PHACTR1: variants seen among roughly 807,000 people sequenced by gnomAD.
PHACTR1 encodes phosphatase and actin regulator 1, also known as RPEL repeat containing 1.
In PHACTR1, 16 loss-of-function variants were observed where a neutral mutation model predicts 69.2. That is an observed-to-expected ratio of 0.23 (90% CI 0.16 to 0.35). The LOEUF is 0.35. Among genes scored for constraint, PHACTR1 ranks in the 10% least tolerant of loss-of-function variants. The pLI, the probability that PHACTR1 is intolerant of heterozygous loss-of-function variation, is 1.00. For synonymous variants in PHACTR1, 312 were observed against 284.5 expected (o/e 1.10, Z -0.97); for missense variants, 510 against 734.7 (o/e 0.69, Z 3.54).
At chr6:13,086,418 A>G (rs4329096) in intron 5 of PHACTR1, among the ~76,000 whole-genome samples, 98,037 of 151,910 alleles carry the variant, frequency 0.65, 35,552 homozygotes, top group East Asian at 0.93. Context: ...ATATACAGAC[A>G]TGTAACCCCC....
chr6:13,082,988 C>A (rs904751670), intron 5 of PHACTR1, among the ~76,000 whole-genome samples: 1 of 152,162 alleles, frequency 6.6e-6, no homozygotes, highest in Non-Finnish European at 1.5e-5. Context: ...GTTGCCATTG[C>A]TTTTGGAGTT....
intron 4 of PHACTR1, among the ~76,000 whole-genome samples, chr6:12,823,093 A>C (rs1776401240): frequency 6.6e-6 from 1 of 152,142 alleles, no homozygotes; most frequent in African/African-American, 2.4e-5. Flanking sequence ...TGCAAAACCT[A>C]ATTTTCTGCA....
At chr6:13,152,045 A>G (rs1561907090) in intron 5 of PHACTR1, among the ~76,000 whole-genome samples, 1 of 152,162 alleles carries the variant, frequency 6.6e-6, no homozygotes, top group African/African-American at 2.4e-5. Flanking sequence ...AAATTCATCA[A>G]TGTCAGGCTG....
chr6:13,127,060 C>A (rs1819645354), intron 5 of PHACTR1, among the ~76,000 whole-genome samples: 3 of 152,146 alleles, frequency 2.0e-5, no homozygotes, highest in Admixed American at 2.0e-4. Context: ...TTGGACAGAG[C>A]AGTAAATTAC....
intron 4 of PHACTR1, among the ~76,000 whole-genome samples, chr6:12,783,332 G>A (rs1479224701): frequency 6.6e-6 from 1 of 152,178 alleles, no homozygotes; most frequent in Non-Finnish European, 1.5e-5. Context: ...CTATATGACG[G>A]TCAAATGCCT....
intron 4 of PHACTR1, among the ~76,000 whole-genome samples, chr6:13,046,324 A>G (rs1189921637): frequency 6.6e-6 from 1 of 152,172 alleles, no homozygotes; most frequent in Non-Finnish European, 1.5e-5. Flanking sequence ...TTTTGGATTC[A>G]GACAGATAAA....
chr6:13,013,788 G>C (rs1388372447), intron 4 of PHACTR1, among the ~76,000 whole-genome samples: 2 of 149,772 alleles, frequency 1.3e-5, no homozygotes, highest in Non-Finnish European at 3.0e-5. Flanking sequence ...TAGAGCGGCC[G>C]GCGCGGGCGG....
chr6:13,019,601 C>T (rs975865937), intron 4 of PHACTR1, among the ~76,000 whole-genome samples: 1 of 152,122 alleles, frequency 6.6e-6, no homozygotes, highest in Non-Finnish European at 1.5e-5. Flanking sequence ...TAATAATTTC[C>T]CCTTTTGTTC....
At chr6:12,732,308 A>ATT (rs113653689) in intron 3 of PHACTR1, among the ~76,000 whole-genome samples, 4,801 of 151,430 alleles carry the variant, frequency 0.032, 236 homozygotes, top group African/African-American at 0.11. Context: ...GCACACACAG[A>ATT]TTTTTTTTGG....
chr6:12,809,380 C>G (rs1014347896), intron 4 of PHACTR1, among the ~76,000 whole-genome samples: 1 of 152,190 alleles, frequency 6.6e-6, no homozygotes, highest in Non-Finnish European at 1.5e-5. Flanking sequence ...GTGCCCACAA[C>G]AGATATCACT....
At chr6:13,264,698 C>T (rs1397623390) in intron 10 of PHACTR1, among the ~76,000 whole-genome samples, 1 of 150,566 alleles carries the variant, frequency 6.6e-6, no homozygotes, top group African/African-American at 2.4e-5. Flanking sequence ...CAGCCTGGGC[C>T]ACAGAGTGAG....
At chr6:13,250,437 G>T (rs1250703822) in intron 10 of PHACTR1, among the ~76,000 whole-genome samples, 1 of 152,146 alleles carries the variant, frequency 6.6e-6, no homozygotes, top group Non-Finnish European at 1.5e-5. Context: ...TGGGAATACG[G>T]TCCAGTTTTT....
In PHACTR1 at chr6:13,179,049, A is replaced by G. The variant is rs1289514714; in HGVS notation, c.497-3470A>G. Among the ~76,000 whole-genome samples the G allele has an allele frequency of 6.6e-6, 1 of 152,210 alleles. No individual in the cohort carries two copies. The highest frequency in any genetic ancestry group is 1.9e-4 in the East Asian group (1 of 5,198). On this transcript the variant is annotated intron_variant, in intron 6 of 14. Coordinates refer to ENST00000332995, the MANE Select transcript of PHACTR1 (RefSeq NM_030948.6). The surrounding 1 kb of genome is among the most constrained non-coding windows in gnomAD (Gnocchi z 4.2). ...CAAGGAGTTCCACATGAGGCTGGGC[A>G]ACATGGCAAAACCCTGTCTCTACAA... is the stretch of plus-strand genomic sequence containing the variant.
intron 4 of PHACTR1, among the ~76,000 whole-genome samples, chr6:12,758,164 G>A (rs1338633732): frequency 6.6e-6 from 1 of 152,078 alleles, no homozygotes; most frequent in Non-Finnish European, 1.5e-5. Context: ...TGAGGTCTGG[G>A]CTGGGGGCAG....
Position 12,721,338 on chromosome 6 carries a change from G to A in PHACTR1, c.103+2491G>A, listed in dbSNP as rs558031893. Among the ~76,000 whole-genome samples, 160 of 151,940 alleles carry A rather than the reference G, an allele frequency of 1.1e-3. 1 individual carries two copies. The highest frequency in any genetic ancestry group is 1.7e-3 in the Non-Finnish European group (118 of 67,940). ...GGCGGAGGTTGCAGTGAGTGGGGGT[G>A]GCACCACTGCACTCTAGCCTGGGTG... On this transcript the variant is annotated intron_variant, in intron 3 of 14. Coordinates refer to ENST00000332995, the MANE Select transcript of PHACTR1 (RefSeq NM_030948.6).
chr6:12,983,859 C>T (rs878950499), intron 4 of PHACTR1, among the ~76,000 whole-genome samples: 1 of 152,192 alleles, frequency 6.6e-6, no homozygotes, highest in African/African-American at 2.4e-5. Context: ...ATCCATGCCC[C>T]TACAAAGGAC....
chr6:13,281,042 T>G (rs1437736000), intron 12 of PHACTR1: 18 of 1,289,642 alleles, frequency 1.4e-5, no homozygotes, highest in Non-Finnish European at 1.8e-5. Flanking sequence ...TGAGCACTTG[T>G]GCTCTATGCT....
intron 3 of PHACTR1, among the ~76,000 whole-genome samples, chr6:12,727,701 A>G (rs1414882877): frequency 1.3e-5 from 2 of 151,986 alleles, no homozygotes; most frequent in African/African-American, 4.8e-5. Context: ...AATCATTCTC[A>G]CTCCTCATTT....
chr6:12,809,055 G>A (rs942767242), intron 4 of PHACTR1, among the ~76,000 whole-genome samples: 3 of 151,696 alleles, frequency 2.0e-5, no homozygotes, highest in Non-Finnish European at 4.4e-5. Flanking sequence ...GTTTTTTTTG[G>A]TGTGTATTTT....
Sources: gnomAD v4.1 joint callset for allele counts (sites outside exome capture counted in the v4.1 genomes callset) on GRCh38, gnomAD v4.1.1 for gene constraint, Gnocchi (gnomAD v3.1) non-coding constraint, MANE v1.5 for transcripts, NCBI Gene and HGNC (gene_info 2026-07-23, HGNC 2026-07-21) for gene names.